CSMD1: variants seen among roughly 807,000 people sequenced by gnomAD.
CSMD1 encodes CUB and sushi domain-containing protein 1.
Under a neutral mutation model 417.5 loss-of-function variants are expected in CSMD1, and 213 were observed. That is an observed-to-expected ratio of 0.51 (90% CI 0.46 to 0.57). The LOEUF is 0.57. Ranked by LOEUF, CSMD1 falls within the 20% of genes least tolerant of loss-of-function variation. The pLI is 0.00. For missense variants in CSMD1, 6,923 were observed against 4,529.7 expected (o/e 1.53, Z -15.17); for synonymous variants, 2,862 against 1,736.8 (o/e 1.65, Z -16.11).
intron 40 of CSMD1, among the ~76,000 whole-genome samples, chr8:3,147,988 G>C (rs948196260): frequency 7.2e-5 from 11 of 152,106 alleles, no homozygotes; most frequent in Non-Finnish European, 1.3e-4. Context: ...CACCCTAACA[G>C]CATTATCCTG....
chr8:3,399,354 A>T, intron 16 of CSMD1, 37 bp downstream of exon 16: 4 of 1,550,008 alleles, frequency 2.6e-6, no homozygotes, highest in Non-Finnish European at 3.5e-6. Flanking sequence ...AGAGACACAC[A>T]CCATTGGGTC....
chr8:3,840,437 G>A lies in CSMD1; in HGVS notation c.819-86395C>T, dbSNP rs996085651. 5.3e-5 allele frequency among the ~76,000 whole-genome samples: 8 copies of A among 152,118 alleles called. 1 individual carries two copies. The highest frequency in any genetic ancestry group is 1.0e-4 in the Non-Finnish European group (7 of 68,036). On this transcript the variant is annotated intron_variant, in intron 5 of 69. Transcript: ENST00000635120. ...CGTTGTACTTTATTTTATTGTGTTA[G>A]TAGCAAGAGTACCTCTTGCCCTGAA...
intron 3 of CSMD1, among the ~76,000 whole-genome samples, chr8:4,078,445 G>A (rs1392819252): frequency 6.6e-6 from 1 of 150,728 alleles, no homozygotes; most frequent in Non-Finnish European, 1.5e-5. Flanking sequence ...CTCTTGAATA[G>A]CTGGGACTAC....
chr8:3,167,595 T>C (rs1399006727), intron 37 of CSMD1, among the ~76,000 whole-genome samples: 1 of 152,232 alleles, frequency 6.6e-6, no homozygotes, highest in East Asian at 1.9e-4. Flanking sequence ...TTTGGACATT[T>C]ACAAAGATGC....
At chr8:3,786,486 T>C (rs750464080) in intron 5 of CSMD1, among the ~76,000 whole-genome samples, 7 of 152,048 alleles carry the variant, frequency 4.6e-5, no homozygotes, top group African/African-American at 1.4e-4. Context: ...TGGTGACAGA[T>C]AGTGTCAGAC....
intron 4 of CSMD1, among the ~76,000 whole-genome samples, chr8:4,014,133 A>T (rs1005223182): frequency 1.3e-5 from 2 of 152,216 alleles, no homozygotes; most frequent in African/African-American, 4.8e-5. Context: ...CAAGTATCAA[A>T]AGTTATATTA....
intron 1 of CSMD1, among the ~76,000 whole-genome samples, chr8:4,959,266 G>C (rs1809322321): frequency 6.6e-6 from 1 of 152,238 alleles, no homozygotes; most frequent in African/African-American, 2.4e-5. Context: ...CATATGTTTT[G>C]GAAAAGCTAA....
rs529656370 is a variant in CSMD1 at position 4,349,895 on chromosome 8, A to C, written c.415+70058T>G. On this transcript the variant is annotated intron_variant, in intron 3 of 69. Coordinates refer to ENST00000635120, the MANE Select transcript of CSMD1 (RefSeq NM_033225.6). Reference sequence around the variant, plus strand: ...CCTTTAAGAAAAGACAGGGAGCCAAAATATATTAGCAAAAAGGTTGTGCTA... The same window carrying C: ...CCTTTAAGAAAAGACAGGGAGCCAACATATATTAGCAAAAAGGTTGTGCTA... Among the ~76,000 whole-genome samples the C allele has an allele frequency of 7.2e-5, 11 of 152,078 alleles. No homozygotes were observed. The South Asian group carries it at 1.5e-3, about 20-fold the overall frequency.
chr8:3,395,315 G>T (rs1182508722), intron 17 of CSMD1, among the ~76,000 whole-genome samples: 1 of 152,050 alleles, frequency 6.6e-6, no homozygotes, highest in Non-Finnish European at 1.5e-5. Flanking sequence ...ACTTTTTCTC[G>T]CTTTTTCCGT....
chr8:3,604,774 G>C (rs1025339116), intron 8 of CSMD1, among the ~76,000 whole-genome samples: 1 of 152,104 alleles, frequency 6.6e-6, no homozygotes, highest in Admixed American at 6.6e-5. Flanking sequence ...TGAGTGTGCA[G>C]TTTTATTGCT....
At position 4,450,890 on chromosome 8, in the gene CSMD1, T is replaced by A. The variant is rs141122318; in HGVS notation, c.303-30825A>T. ...TAATATTCTTCCAACCAGATTGCGC[T>A]AATATAAAAATTAAAATTAAATCAT... On this transcript the variant is annotated intron_variant, in intron 2 of 69. Transcript: ENST00000635120. 4.1e-3 allele frequency among the ~76,000 whole-genome samples: 621 copies of A among 152,256 alleles called. 4 individuals are homozygous for A. Among genetic ancestry groups the A allele is most frequent in the Middle Eastern group, 6.8e-3 (2 of 294 alleles).
chr8:3,629,331 T>A (rs1453149725), intron 7 of CSMD1, among the ~76,000 whole-genome samples: 1 of 152,106 alleles, frequency 6.6e-6, no homozygotes, highest in Non-Finnish European at 1.5e-5. Context: ...CACTGATGCA[T>A]TCAGCTGACA....
At position 2,958,659 on chromosome 8, in the gene CSMD1, G is replaced by C. The variant is rs936148747; in HGVS notation, c.9703-852C>G. Among the ~76,000 whole-genome samples, 37 of 152,358 alleles carry C rather than the reference G, an allele frequency of 2.4e-4. No homozygotes were observed. The South Asian group carries it at 2.5e-3, about 10-fold the overall frequency. ...GACTCATGTATACAGGGAGAGGAAA[G>C]CAGCCCCCAGGGAAGGCGGGTTTGC... is the stretch of plus-strand genomic sequence containing the variant. On this transcript the variant is annotated intron_variant, in intron 62 of 69. Transcript: ENST00000635120.
chr8:4,547,440 T>C (rs1162676634), intron 2 of CSMD1, among the ~76,000 whole-genome samples: 1 of 152,172 alleles, frequency 6.6e-6, no homozygotes, highest in Non-Finnish European at 1.5e-5. Flanking sequence ...TAGCATCAGA[T>C]TGAAAAAGAA....
rs552482886 is a variant in CSMD1 at position 3,625,973 on chromosome 8, T to G, written c.1010-9176A>C. On this transcript the variant is annotated intron_variant, in intron 7 of 69. Transcript: ENST00000635120. Reference sequence around the variant, plus strand: ...GCTTCAAATTAAGCCAAGATGTTTATTTACTATACACATAAAATAAAAAAT... The same window carrying G: ...GCTTCAAATTAAGCCAAGATGTTTAGTTACTATACACATAAAATAAAAAAT... 2.0e-5 allele frequency among the ~76,000 whole-genome samples: 3 copies of G among 152,316 alleles called. No homozygotes were observed. In the South Asian group the frequency reaches 6.2e-4, roughly 32 times the overall value.
At chr8:4,339,775 A>T (rs1180399776) in intron 3 of CSMD1, among the ~76,000 whole-genome samples, 2 of 152,138 alleles carry the variant, frequency 1.3e-5, no homozygotes, top group South Asian at 2.1e-4. Flanking sequence ...AAAAATCCTA[A>T]TGCTTTGGGA....
chr8:4,004,242 T>C (rs905086310), intron 4 of CSMD1, among the ~76,000 whole-genome samples: 2 of 152,088 alleles, frequency 1.3e-5, no homozygotes, highest in African/African-American at 4.8e-5. Context: ...CAAGAAATAG[T>C]TTAACATCTA....
chr8:4,646,168 G>A (rs984620256), intron 1 of CSMD1, among the ~76,000 whole-genome samples: 1 of 152,138 alleles, frequency 6.6e-6, no homozygotes, highest in East Asian at 1.9e-4. Flanking sequence ...TAGAAACATA[G>A]CACCCATTGC....
At chr8:4,373,199 T>C (rs1802505110) in intron 3 of CSMD1, among the ~76,000 whole-genome samples, 1 of 152,094 alleles carries the variant, frequency 6.6e-6, no homozygotes, top group Non-Finnish European at 1.5e-5. Flanking sequence ...ACTGTCAAAG[T>C]CATCACAAAC....
Sources: allele counts gnomAD v4.1 joint callset (sites outside exome capture counted in the v4.1 genomes callset), GRCh38; gene constraint gnomAD v4.1.1; transcripts MANE v1.5; gene names NCBI Gene and HGNC (gene_info 2026-07-23, HGNC 2026-07-21).